CUX2: variants seen among roughly 807,000 people sequenced by gnomAD.
CUX2 encodes the protein cut like homeobox 2.
Under a neutral mutation model 144.8 loss-of-function variants are expected in CUX2, and 40 were observed. The ratio of observed to expected loss-of-function variants is 0.28; its 90% CI spans 0.21 to 0.36. The LOEUF is 0.36. CUX2 is among the 10% of genes least tolerant of loss of function. CUX2 has a pLI of 1.00. For missense variants in CUX2, 1,615 were observed against 1,994.0 expected (o/e 0.81, Z 3.62); for synonymous variants, 827 against 875.6 (o/e 0.94, Z 0.98).
chr12:111,052,697 G>A (rs1166583718), intron 1 of CUX2, among the ~76,000 whole-genome samples: 1 of 152,182 alleles, frequency 6.6e-6, no homozygotes. Context: ...ATCTGTGTGT[G>A]TGTGTCAGTG....
chr12:111,130,221 A>G (rs1235134586), intron 1 of CUX2, among the ~76,000 whole-genome samples: 1 of 152,108 alleles, frequency 6.6e-6, no homozygotes, highest in Non-Finnish European at 1.5e-5. Context: ...GGGTCTATAA[A>G]TTGGCTCCAG....
In CUX2 at chr12:111,094,685, A is replaced by G. The variant is rs888888799; in HGVS notation, c.63+60445A>G. 4.6e-5 allele frequency among the ~76,000 whole-genome samples: 7 copies of G among 152,146 alleles called. No individual in the cohort carries two copies. In the South Asian group the frequency reaches 1.5e-3, roughly 32 times the overall value. On this transcript the variant is annotated intron_variant, in intron 1 of 21. Coordinates refer to ENST00000261726, the MANE Select transcript of CUX2 (RefSeq NM_015267.4). ...GCTAATTTTTCTGGGCTGGGGGGAG[A>G]TGGAGGTCTCACTGTTTGCCCAGGC...
intron 3 of CUX2, among the ~76,000 whole-genome samples, chr12:111,230,881 G>T (rs1004316708): frequency 6.6e-6 from 1 of 152,192 alleles, no homozygotes; most frequent in East Asian, 1.9e-4. Flanking sequence ...TTGACAGGGG[G>T]CTGGGAAGAG....
intron 3 of CUX2, among the ~76,000 whole-genome samples, chr12:111,227,218 G>C (rs1275884279): frequency 6.6e-6 from 1 of 152,240 alleles, no homozygotes; most frequent in African/African-American, 2.4e-5. Context: ...AAGGATTTGA[G>C]TACCGACTGG....
chr12:111,247,531 C>T (rs574129726), intron 3 of CUX2, among the ~76,000 whole-genome samples: 2 of 152,328 alleles, frequency 1.3e-5, no homozygotes, highest in East Asian at 1.9e-4. Context: ...ATGGCTACTG[C>T]AGCACAGGGC....
intron 1 of CUX2, among the ~76,000 whole-genome samples, chr12:111,196,990 GGT>G (rs992477962): frequency 6.6e-6 from 1 of 152,092 alleles, no homozygotes; most frequent in African/African-American, 2.4e-5. Flanking sequence ...GTGTCTAGAT[GGT>G]GCTCAGTGAC....
At chr12:111,221,787 T>C (rs1881873818) in intron 3 of CUX2, among the ~76,000 whole-genome samples, 1 of 151,346 alleles carries the variant, frequency 6.6e-6, no homozygotes, top group Non-Finnish European at 1.5e-5. Context: ...TCTTTCTTTC[T>C]GTGTGTGTGT....
intron 1 of CUX2, among the ~76,000 whole-genome samples, chr12:111,146,419 T>C (rs766623435): frequency 1.3e-5 from 2 of 152,210 alleles, no homozygotes; most frequent in African/African-American, 4.8e-5. Flanking sequence ...TTTCAGTATG[T>C]TGTATAGTTG....
chr12:111,136,450 CA>C (rs1368905542), intron 1 of CUX2, among the ~76,000 whole-genome samples: 2 of 152,254 alleles, frequency 1.3e-5, no homozygotes, highest in African/African-American at 4.8e-5. Context: ...CCAGACCCAA[CA>C]GGGGCAAGGC....
chr12:111,283,403 T>A (rs373814117), intron 4 of CUX2, among the ~76,000 whole-genome samples: 2 of 152,070 alleles, frequency 1.3e-5, no homozygotes, highest in East Asian at 3.9e-4. Context: ...GTGTCACCAA[T>A]GCCTCGAGGG....
intron 1 of CUX2, among the ~76,000 whole-genome samples, chr12:111,096,153 C>T (rs989842223): frequency 2.0e-5 from 3 of 152,124 alleles, no homozygotes; most frequent in African/African-American, 7.2e-5. Flanking sequence ...CAGGGAGAAC[C>T]AAGAGCTGCC....
Position 111,217,876 on chromosome 12 carries a change from G to A in CUX2, c.175-14G>A, listed in dbSNP as rs750419179. 2.5e-6 allele frequency: 4 copies of A among 1,613,992 alleles called. No homozygotes were observed. In the African/African-American group the frequency reaches 4.0e-5, roughly 16 times the overall value. ...CTGGCACTGTAGTGAACTCTTTGCTGATCTCTTTTTCAGGAAATCAGAGAG... is the reference window on the plus strand; with the variant it reads ...CTGGCACTGTAGTGAACTCTTTGCTAATCTCTTTTTCAGGAAATCAGAGAG... On this transcript the variant is annotated splice_polypyrimidine_tract_variant and intron_variant, in intron 2 of 21. Transcript: ENST00000261726.
intron 4 of CUX2, among the ~76,000 whole-genome samples, chr12:111,271,585 A>G (rs976802793): frequency 6.6e-6 from 1 of 152,238 alleles, no homozygotes; most frequent in Non-Finnish European, 1.5e-5. Flanking sequence ...GTGCTGTACC[A>G]AGAAGAAAAT....
intron 1 of CUX2, among the ~76,000 whole-genome samples, chr12:111,051,815 TA>T (rs1870280487): frequency 6.6e-6 from 1 of 152,194 alleles, no homozygotes; most frequent in South Asian, 2.1e-4. Flanking sequence ...TCTCTTTTAC[TA>T]CTTTCTTTTG....
At chr12:111,227,177 G>A (rs1356215848) in intron 3 of CUX2, among the ~76,000 whole-genome samples, 1 of 152,212 alleles carries the variant, frequency 6.6e-6, no homozygotes, top group African/African-American at 2.4e-5. Context: ...GGCTGAGGTG[G>A]TGAACATTAC....
At chr12:111,336,779 C>T (rs1212829297) in intron 19 of CUX2, among the ~76,000 whole-genome samples, 1 of 151,978 alleles carries the variant, frequency 6.6e-6, no homozygotes, top group Admixed American at 6.6e-5. Flanking sequence ...CTCTTTGACA[C>T]TTTCTGAACA....
chr12:111,222,327 T>C (rs1452024374), intron 3 of CUX2, among the ~76,000 whole-genome samples: 2 of 152,200 alleles, frequency 1.3e-5, no homozygotes, highest in East Asian at 3.8e-4. Flanking sequence ...AAATTAAAAG[T>C]TTTGTTATGC....
intron 3 of CUX2, among the ~76,000 whole-genome samples, chr12:111,262,592 T>A (rs1037703340): frequency 2.6e-5 from 4 of 152,036 alleles, no homozygotes; most frequent in Admixed American, 2.6e-4. Flanking sequence ...TTGCTCAGGC[T>A]GGTTTCGAAC....
intron 4 of CUX2, among the ~76,000 whole-genome samples, chr12:111,278,283 G>T (rs1884973741): frequency 6.6e-6 from 1 of 152,176 alleles, no homozygotes; most frequent in African/African-American, 2.4e-5. Flanking sequence ...GGACGTGATG[G>T]CATGTGCCTG....
Sources: gnomAD v4.1 joint callset for allele counts (sites outside exome capture counted in the v4.1 genomes callset) on GRCh38, gnomAD v4.1.1 for gene constraint, MANE v1.5 for transcripts, NCBI Gene and HGNC (gene_info 2026-07-23, HGNC 2026-07-21) for gene names.